Variants in GALNT18 observed in about 807,000 individuals in gnomAD.
The protein encoded by GALNT18 is polypeptide N-acetylgalactosaminyltransferase 18.
In GALNT18, 44 loss-of-function variants were observed where a neutral mutation model predicts 69.5. The observed-to-expected ratio is 0.63, with a 90% CI of 0.50 to 0.81. The LOEUF is 0.81. Among genes scored for constraint, GALNT18 ranks in the 40% least tolerant of loss-of-function variants. The probability of loss-of-function intolerance (pLI) is 0.00; values close to 1 mark genes in which losing one functional copy is unlikely to be tolerated. For synonymous variants in GALNT18, 364 were observed against 318.2 expected, an observed-to-expected ratio of 1.14 and a Z score of -1.53; for missense variants, 715 against 810.0, an observed-to-expected ratio of 0.88 and a Z score of 1.42.
rs755883268 is a variant in GALNT18 at position 11,454,451 on chromosome 11, G to A, written c.236-5515C>T. On this transcript the variant is annotated intron_variant, in intron 1 of 10. Transcript: ENST00000227756. This position sits in a 1 kb window ranked among gnomAD's most constrained non-coding sequence, Gnocchi z 4.2. ...TGGAGTAATTACCCCCAAAATATAG[G>A]GAGAAGGAAGATAAGGAGGGAGGCA... 6.6e-6 allele frequency among the ~76,000 whole-genome samples: 1 copy of A among 152,008 alleles called. No individual in the cohort carries two copies. Among genetic ancestry groups the A allele is most frequent in the Non-Finnish European group, 1.5e-5 (1 of 68,010 alleles).
At chr11:11,513,394 A>G (rs975219158) in intron 1 of GALNT18, among the ~76,000 whole-genome samples, 3 of 152,178 alleles carry the variant, frequency 2.0e-5, no homozygotes, top group Non-Finnish European at 2.9e-5. Flanking sequence ...TCCTGATTGA[A>G]TCATTTTGGG....
chr11:11,287,892 C>T (rs990947588), intron 10 of GALNT18, among the ~76,000 whole-genome samples: 6 of 152,220 alleles, frequency 3.9e-5, no homozygotes, highest in Non-Finnish European at 4.4e-5. Flanking sequence ...CTCCACTGCC[C>T]GACTACCATC....
rs1296758490 is a variant in GALNT18, at chr11:11,332,847, G to A, written c.1279-16C>T. 6.2e-7 allele frequency: 1 copy of A among 1,610,084 alleles called. No individual in the cohort carries two copies. Among genetic ancestry groups the A allele is most frequent in the Middle Eastern group, 2.0e-4 (1 of 5,036 alleles). On this transcript the variant is annotated splice_polypyrimidine_tract_variant and intron_variant, in intron 7 of 10. Transcript: ENST00000227756. The surrounding 1 kb of genome is among the most constrained non-coding windows in gnomAD (Gnocchi z 4.3). Reference sequence around the variant, plus strand: ...TTCCTGAGTCCTGCACAGGGACGCAGAAGCAGAGATGAAGCCACTCCCAGG... The same window carrying A: ...TTCCTGAGTCCTGCACAGGGACGCAAAAGCAGAGATGAAGCCACTCCCAGG...
intron 6 of GALNT18, chr11:11,352,580 C>T (rs1850435489): frequency 4.3e-6 from 7 of 1,614,170 alleles, no homozygotes; most frequent in Non-Finnish European, 4.2e-6. Context: ...GATGATAAAA[C>T]TCAGCCAAAC....
chr11:11,554,012 C>T (rs1169565756), intron 1 of GALNT18, among the ~76,000 whole-genome samples: 6 of 152,168 alleles, frequency 3.9e-5, no homozygotes, highest in African/African-American at 9.7e-5. Flanking sequence ...GCTGGCCCAC[C>T]GCGCAGCACT....
intron 1 of GALNT18, among the ~76,000 whole-genome samples, chr11:11,615,939 A>G (rs1485242015): frequency 3.9e-5 from 6 of 152,264 alleles, no homozygotes; most frequent in Admixed American, 3.3e-4. Context: ...ATATTTATGT[A>G]TCAAAAAAAT....
At chr11:11,577,051 G>A (rs7105514) in intron 1 of GALNT18, among the ~76,000 whole-genome samples, 3 of 151,792 alleles carry the variant, frequency 2.0e-5, no homozygotes, top group Non-Finnish European at 2.9e-5. Context: ...GCAGGCTCAC[G>A]TATCTGCAGC....
At chr11:11,330,992 A>G (rs188743418) in intron 8 of GALNT18, among the ~76,000 whole-genome samples, 2 of 152,202 alleles carry the variant, frequency 1.3e-5, no homozygotes, top group Non-Finnish European at 2.9e-5. Context: ...CTGGAGCCAC[A>G]GCAGCGTAAC....
chr11:11,440,836 TACAAACATTAC>T (rs1855518369), intron 2 of GALNT18, among the ~76,000 whole-genome samples: 1 of 152,232 alleles, frequency 6.6e-6, no homozygotes, highest in African/African-American at 2.4e-5. Flanking sequence ...CCATGAGCTC[TACAAACATTAC>T]ACAAACTTTG....
chr11:11,519,920 T>C (rs1419919881), intron 1 of GALNT18, among the ~76,000 whole-genome samples: 3 of 152,218 alleles, frequency 2.0e-5, no homozygotes, highest in African/African-American at 7.2e-5. Context: ...TCCCAGTGCC[T>C]GACAGAGGTG....
At position 11,538,875 on chromosome 11, in the gene GALNT18, C is replaced by A. The variant is rs1356132449; in HGVS notation, c.235+82484G>T. ...TGCACAGCACTGCCTGGCCTCCCACCCAAACCTTCAGAGATCCCAGTAAAA... is the reference window on the plus strand; with the variant it reads ...TGCACAGCACTGCCTGGCCTCCCACACAAACCTTCAGAGATCCCAGTAAAA... On this transcript the variant is annotated intron_variant, in intron 1 of 10. Transcript: ENST00000227756. This position sits in a 1 kb window ranked among gnomAD's most constrained non-coding sequence, Gnocchi z 5.2. Among the ~76,000 whole-genome samples the A allele has an allele frequency of 6.6e-6, 1 of 152,120 alleles. No individual in the cohort carries two copies. Among genetic ancestry groups the A allele is most frequent in the Non-Finnish European group, 1.5e-5 (1 of 68,018 alleles).
In GALNT18 at chr11:11,448,875, T is replaced by C. The variant is rs1244674354; in HGVS notation, c.297A>G (p.Ala99=). ...AEPFTDSSLF[A]HWGQELSPEG... is the part of the protein sequence containing the mutation. The stretch of plus-strand genomic sequence containing the variant: ...CGGGGCTGAGCTCCTGGCCCCAGTG[T>C]GCAAACAGAGAGGAGTCTGTGAAGG... The change falls in exon 2 of 11, where the codon GCA becomes GCG. Residue 99 remains alanine, a synonymous_variant. Coordinates refer to ENST00000227756, the MANE Select transcript of GALNT18 (RefSeq NM_198516.3). The C allele has an allele frequency of 6.8e-6, 11 of 1,607,784 alleles. No homozygotes were observed. The highest frequency in any genetic ancestry group is 9.3e-6 in the Non-Finnish European group (11 of 1,177,192).
At position 11,538,022 on chromosome 11, in the gene GALNT18, G is replaced by T. The variant is rs1857824195; in HGVS notation, c.235+83337C>A. Among the ~76,000 whole-genome samples, 1 of 152,132 alleles carries T rather than the reference G, an allele frequency of 6.6e-6. No individual in the cohort carries two copies. Among genetic ancestry groups the T allele is most frequent in the Non-Finnish European group, 1.5e-5 (1 of 68,032 alleles). On this transcript the variant is annotated intron_variant, in intron 1 of 10. Coordinates refer to ENST00000227756, the MANE Select transcript of GALNT18 (RefSeq NM_198516.3). This position sits in a 1 kb window ranked among gnomAD's most constrained non-coding sequence, Gnocchi z 5.2. ...AATAATGATAACTACCAATTACCGA[G>T]CACTTACTACATGCCAGACACTGCT...
intron 1 of GALNT18, among the ~76,000 whole-genome samples, chr11:11,535,822 G>C (rs368028308): frequency 9.2e-5 from 14 of 152,200 alleles, no homozygotes; most frequent in African/African-American, 3.4e-4. Flanking sequence ...CCTGGGGACT[G>C]TTGTATGCCA....
At chr11:11,277,996 T>C (rs923940489) in intron 10 of GALNT18, among the ~76,000 whole-genome samples, 3 of 152,060 alleles carry the variant, frequency 2.0e-5, no homozygotes, top group Admixed American at 2.0e-4. Flanking sequence ...GGTTGGAGAG[T>C]TCTGTAGATG....
intron 9 of GALNT18, among the ~76,000 whole-genome samples, chr11:11,300,386 G>A (rs1226954081): frequency 5.9e-5 from 9 of 152,206 alleles, no homozygotes; most frequent in Non-Finnish European, 1.3e-4. Context: ...TTTACAAGAG[G>A]TTCTAGAACC....
intron 1 of GALNT18, among the ~76,000 whole-genome samples, chr11:11,574,167 G>C (rs1178294230): frequency 6.6e-6 from 1 of 152,186 alleles, no homozygotes; most frequent in African/African-American, 2.4e-5. Context: ...ATCAGTACAT[G>C]AGTGATAGAG....
chr11:11,485,998 C>T (rs1268582176), intron 1 of GALNT18, among the ~76,000 whole-genome samples: 3 of 152,188 alleles, frequency 2.0e-5, no homozygotes. Flanking sequence ...ACTATCAGCA[C>T]AGTGAGAGCA....
At chr11:11,530,484 G>A (rs565905317) in intron 1 of GALNT18, among the ~76,000 whole-genome samples, 47 of 152,302 alleles carry the variant, frequency 3.1e-4, no homozygotes, top group African/African-American at 1.1e-3. Flanking sequence ...GGACAGGCCC[G>A]TGAGCTTTGT....
Sources: gnomAD v4.1 joint callset for allele counts (sites outside exome capture counted in the v4.1 genomes callset) on GRCh38, gnomAD v4.1.1 for gene constraint, Gnocchi (gnomAD v3.1) non-coding constraint, MANE v1.5 for transcripts, NCBI Gene and HGNC (gene_info 2026-07-23, HGNC 2026-07-21) for gene names.